Variants in SRGAP2C observed in about 807,000 individuals in gnomAD.
SRGAP2C encodes the protein SLIT-ROBO Rho GTPase-activating protein 2C.
In SRGAP2C, 15 loss-of-function variants were observed where a neutral mutation model predicts 25.1. The ratio of observed to expected loss-of-function variants is 0.60; its 90% CI spans 0.40 to 0.92. The LOEUF is 0.92. Ranked by LOEUF, SRGAP2C falls within the 40% of genes least tolerant of loss-of-function variation. The probability of loss-of-function intolerance (pLI) is 0.00; values close to 1 mark genes in which losing one functional copy is unlikely to be tolerated. For missense variants in SRGAP2C, 144 were observed against 264.4 expected (o/e 0.54, Z 3.16); for synonymous variants, 44 against 96.6 (o/e 0.46, Z 3.19).
intron 2 of SRGAP2C, among the ~76,000 whole-genome samples, chr1:121,216,309 C>T (rs1268045827): frequency 6.2e-4 from 95 of 152,166 alleles, no homozygotes; most frequent in Non-Finnish European, 9.7e-4. Context: ...AATGCTGTCT[C>T]TTCCATTTCT....
chr1:121,312,563 G>A (rs1202264542), intron 3 of SRGAP2C, among the ~76,000 whole-genome samples: 1 of 111,194 alleles, frequency 9.0e-6, no homozygotes, highest in Non-Finnish European at 1.9e-5. Flanking sequence ...TGGGCATTTA[G>A]TGCTATAAAT....
intron 2 of SRGAP2C, among the ~76,000 whole-genome samples, chr1:121,268,444 A>T (rs1656859962): frequency 1.3e-5 from 2 of 151,872 alleles, no homozygotes; most frequent in South Asian, 4.2e-4. Flanking sequence ...CTGGGAAGCC[A>T]TTGAAAGATG....
At position 121,216,440 on chromosome 1, in the gene SRGAP2C, G is replaced by A. The variant is rs1655388262; in HGVS notation, c.67+28927G>A. ...CAGGAAATGGGTAAGATTATAGATG[G>A]CCAAGGAAAGTGGCAAGGAACAAAA... On this transcript the variant is annotated intron_variant, in intron 2 of 9. Coordinates refer to ENST00000367123, the MANE Select transcript of SRGAP2C (RefSeq NM_001329984.2). 2.0e-5 allele frequency among the ~76,000 whole-genome samples: 3 copies of A among 151,960 alleles called. No homozygotes were observed. The South Asian group carries it at 6.2e-4, about 32-fold the overall frequency.
chr1:121,305,988 A>T (rs1657820639), intron 3 of SRGAP2C, among the ~76,000 whole-genome samples: 1 of 152,200 alleles, frequency 6.6e-6, no homozygotes, highest in African/African-American at 2.4e-5. Context: ...TTGATAATCA[A>T]GCTAGGGCTG....
chr1:121,285,155 T>C (rs1490500263), intron 3 of SRGAP2C, among the ~76,000 whole-genome samples, 160 bp downstream of exon 3: 113 of 148,966 alleles, frequency 7.6e-4, no homozygotes, highest in African/African-American at 2.6e-3. Context: ...ATCAGTCTTA[T>C]GTGCAATTCA....
intron 2 of SRGAP2C, among the ~76,000 whole-genome samples, chr1:121,273,793 T>G (rs1657036011): frequency 6.6e-6 from 1 of 151,820 alleles, no homozygotes; most frequent in Non-Finnish European, 1.5e-5. Flanking sequence ...CTGTACTTGT[T>G]GTTGACATGA....
At chr1:121,212,336 T>G (rs1276796706) in intron 2 of SRGAP2C, among the ~76,000 whole-genome samples, 6 of 151,446 alleles carry the variant, frequency 4.0e-5, no homozygotes, top group Non-Finnish European at 8.8e-5. Context: ...TTCACCATAT[T>G]GGCCAGGCTG....
At chr1:121,276,359 C>T (rs1657110043) in intron 2 of SRGAP2C, among the ~76,000 whole-genome samples, 1 of 140,152 alleles carries the variant, frequency 7.1e-6, no homozygotes, top group African/African-American at 2.7e-5. Context: ...TTTCTGGCTG[C>T]TTGAGATCCA....
At chr1:121,259,753 G>C (rs1381920162) in intron 2 of SRGAP2C, among the ~76,000 whole-genome samples, 2 of 150,064 alleles carry the variant, frequency 1.3e-5, no homozygotes, top group African/African-American at 4.9e-5. Flanking sequence ...CTAGTGTTTA[G>C]AAGGTAATAA....
intron 4 of SRGAP2C, among the ~76,000 whole-genome samples, chr1:121,359,785 G>GA (rs1659145515): frequency 6.6e-6 from 1 of 152,042 alleles, no homozygotes; most frequent in Non-Finnish European, 1.5e-5. Context: ...TAAAAAGAAA[G>GA]AAAGAAAAGA....
chr1:121,287,601 T>C (rs1310787580), intron 3 of SRGAP2C, among the ~76,000 whole-genome samples: 5 of 152,150 alleles, frequency 3.3e-5, no homozygotes, highest in Admixed American at 6.5e-5. Flanking sequence ...ACGTATTTGT[T>C]ACAAATTAAG....
intron 3 of SRGAP2C, among the ~76,000 whole-genome samples, chr1:121,298,356 T>C (rs1553338496): frequency 9.3e-5 from 14 of 151,068 alleles, no homozygotes; most frequent in Admixed American, 8.0e-4. Context: ...TATAAAGATA[T>C]ACTGTTGAGG....
chr1:121,374,604 C>T (rs2993861), intron 6 of SRGAP2C, among the ~76,000 whole-genome samples: 3 of 152,146 alleles, frequency 2.0e-5, no homozygotes, highest in South Asian at 2.1e-4. Flanking sequence ...AGAATCAAAG[C>T]GGGGCACGCA....
intron 3 of SRGAP2C, among the ~76,000 whole-genome samples, chr1:121,295,921 C>A (rs1657589794): frequency 6.6e-6 from 1 of 152,132 alleles, no homozygotes; most frequent in Non-Finnish European, 1.5e-5. Flanking sequence ...GCCATGACGC[C>A]AGGCTAATTT....
intron 3 of SRGAP2C, among the ~76,000 whole-genome samples, chr1:121,296,977 C>T (rs1657611152): frequency 6.6e-6 from 1 of 150,520 alleles, no homozygotes; most frequent in Non-Finnish European, 1.5e-5. Context: ...ATGAAGCTCC[C>T]GGGAGGGAGA....
At chr1:121,194,506 ACT>A (rs1364545731) in intron 2 of SRGAP2C, among the ~76,000 whole-genome samples, 2 of 147,534 alleles carry the variant, frequency 1.4e-5, no homozygotes, top group African/African-American at 5.0e-5. Flanking sequence ...ATATGGTGAA[ACT>A]CTGTCTCTAC....
chr1:121,365,479 T>A, intron 5 of SRGAP2C, 124 bp downstream of exon 5: 1 of 417,316 alleles, frequency 2.4e-6, no homozygotes, highest in African/African-American at 3.8e-5. Flanking sequence ...TGGTCCCCAC[T>A]GGGGGTGACC....
At chr1:121,313,557 C>T (rs2101598780) in intron 3 of SRGAP2C, among the ~76,000 whole-genome samples, 1 of 137,030 alleles carries the variant, frequency 7.3e-6, no homozygotes, top group East Asian at 2.1e-4. Flanking sequence ...TTTGCAGTGG[C>T]TGGTACCGGT....
At chr1:121,320,678 A>T (rs2101606216) in intron 3 of SRGAP2C, among the ~76,000 whole-genome samples, 1 of 151,354 alleles carries the variant, frequency 6.6e-6, no homozygotes. Context: ...GAAAATTCTG[A>T]TTAGCATAGA....
Sources: gnomAD v4.1 joint callset for allele counts (sites outside exome capture counted in the v4.1 genomes callset) on GRCh38, gnomAD v4.1.1 for gene constraint, MANE v1.5 for transcripts, NCBI Gene and HGNC (gene_info 2026-07-23, HGNC 2026-07-21) for gene names.